DDHD2: variants seen among roughly 807,000 people sequenced by gnomAD.
The protein encoded by DDHD2 is DDHD domain containing 2, also known as triacylglycerol hydrolase DDHD2.
In DDHD2, 62 loss-of-function variants were observed where a neutral mutation model predicts 91.2. That is an observed-to-expected ratio of 0.68 (90% CI 0.55 to 0.84). DDHD2 has a LOEUF of 0.84. Among genes scored for constraint, DDHD2 ranks in the 40% least tolerant of loss-of-function variants. The pLI is 0.00. For missense variants in DDHD2, 740 were observed against 846.9 expected, an observed-to-expected ratio of 0.87 and a Z score of 1.57; for synonymous variants, 271 against 293.9, an observed-to-expected ratio of 0.92 and a Z score of 0.80.
At chr8:38,234,956 A>G (rs962743885) in intron 3 of DDHD2, among the ~76,000 whole-genome samples, 2 of 151,950 alleles carry the variant, frequency 1.3e-5, no homozygotes, top group African/African-American at 2.4e-5. Context: ...GGGCACTGCT[A>G]TCTTTCCTCA....
downstream of DDHD2, chr8:38,264,968 T>C: frequency 6.4e-7 from 1 of 1,570,524 alleles, no homozygotes; most frequent in South Asian, 1.1e-5. Context: ...AGGAATAAAG[T>C]ATTTTAAGAG....
chr8:38,271,682 G>C (rs551902604), downstream of DDHD2: 1 of 152,182 alleles, frequency 6.6e-6, no homozygotes, highest in Non-Finnish European at 1.5e-5. Context: ...TGGACAACTG[G>C]GGGAGGCTGG....
Position 38,252,713 on chromosome 8 carries a change from C to A in DDHD2, c.1618-9C>A. ...AGAGGTAAATGTAGCTCTTGTTTTTCCTATGTAGTTTGATCCTGTGGCCTA... is the reference window on the plus strand; with the variant it reads ...AGAGGTAAATGTAGCTCTTGTTTTTACTATGTAGTTTGATCCTGTGGCCTA... On this transcript the variant is annotated splice_polypyrimidine_tract_variant and intron_variant, in intron 13 of 17. Transcript: ENST00000397166. 6.2e-7 allele frequency: 1 copy of A among 1,601,938 alleles called. No homozygotes were observed. The highest frequency in any genetic ancestry group is 8.5e-7 in the Non-Finnish European group (1 of 1,170,244).
intron 10 of DDHD2, 152 bp downstream of exon 10, chr8:38,247,987 A>T: frequency 1.6e-6 from 1 of 631,120 alleles, no homozygotes; most frequent in Non-Finnish European, 2.5e-6. Flanking sequence ...TTATCATATC[A>T]AGTGACCTTT....
intron 10 of DDHD2, among the ~76,000 whole-genome samples, 174 bp from the exon 11 acceptor site, chr8:38,249,534 C>CT (rs891192626): frequency 7.5e-6 from 1 of 133,838 alleles, no homozygotes; most frequent in East Asian, 2.2e-4. Context: ...ATTTTCTATT[C>CT]TTTTTTAGGC....
At chr8:38,257,238 GTTTTTTTTTTTTTTTTT>G (rs749469533) in intron 16 of DDHD2, among the ~76,000 whole-genome samples, 2 of 63,804 alleles carry the variant, frequency 3.1e-5, no homozygotes, top group Non-Finnish European at 3.1e-5. Flanking sequence ...TGGCCAACAA[GTTTTTTTTTTTTTTTTT>G]TTTTTTTTTT....
chr8:38,245,616 CT>C, intron 7 of DDHD2, 125 bp from the exon 8 acceptor site: 2 of 856,224 alleles, frequency 2.3e-6, no homozygotes, highest in Non-Finnish European at 3.7e-6. Context: ...CCTTTGTCCT[CT>C]TTTTGTTTTT....
downstream of DDHD2, chr8:38,264,862 G>A (rs1807336341): frequency 1.9e-6 from 3 of 1,608,524 alleles, no homozygotes; most frequent in Admixed American, 1.7e-5. Context: ...TGTTCAGAGT[G>A]TACTAAATTA....
chr8:38,266,311 A>G (rs766317294), downstream of DDHD2: 3 of 1,610,424 alleles, frequency 1.9e-6, no homozygotes, highest in African/African-American at 2.7e-5. Context: ...AGCAAATGCA[A>G]CTGGAACAAG....
At chr8:38,234,321 A>G (rs1028338364) in intron 2 of DDHD2, 73 bp from the exon 3 acceptor site, 11 of 1,153,196 alleles carry the variant, frequency 9.5e-6, no homozygotes, top group Non-Finnish European at 1.3e-5. Flanking sequence ...TATTTAGAGT[A>G]TAACTGAGAA....
rs754719646 is a variant in DDHD2, at chr8:38,233,078, A to G, written c.84A>G (p.Leu28=). The change falls in exon 2 of 18, where the codon CTA becomes CTG. Residue 28 remains leucine (L), a synonymous_variant. Coordinates refer to ENST00000397166, the MANE Select transcript of DDHD2 (RefSeq NM_015214.3). ...PSPNSCSSFE[L]IDMDAGSLYE... ...CAAACTCATGTAGTTCCTTTGAGCT[A>G]ATAGACATGGATGCTGGCAGCTTGT... 6 of 1,614,192 alleles carry G rather than the reference A, an allele frequency of 3.7e-6. No individual in the cohort carries two copies. The East Asian group carries it at 1.3e-4, about 36-fold the overall frequency.
downstream of DDHD2, chr8:38,266,917 A>C: frequency 1.8e-6 from 1 of 546,504 alleles, no homozygotes; most frequent in South Asian, 3.4e-5. Context: ...ACCTCATTGG[A>C]TTATTGTGAG....
intron 3 of DDHD2, among the ~76,000 whole-genome samples, chr8:38,235,069 A>G (rs1804607635): frequency 6.6e-6 from 1 of 152,206 alleles, no homozygotes; most frequent in South Asian, 2.1e-4. Context: ...GATATGAATT[A>G]GATTCCATTT....
intron 3 of DDHD2, among the ~76,000 whole-genome samples, chr8:38,236,298 C>T (rs913851831): frequency 2.0e-5 from 3 of 152,004 alleles, no homozygotes; most frequent in African/African-American, 4.8e-5. Context: ...AGGCGTGAGC[C>T]ACCACGCCCA....
At position 38,234,530 on chromosome 8, in the gene DDHD2, G is replaced by C; in HGVS notation, c.357G>C (p.Gly119=). The C allele has an allele frequency of 6.2e-7, 1 of 1,612,702 alleles. No homozygotes were observed. The highest frequency in any genetic ancestry group is 8.5e-7 in the Non-Finnish European group (1 of 1,179,794). ...GACGATGTACGTGGTTTTACAAGGGGGACAAAGACAATAAGTATGTTCCCT... is the reference window on the plus strand; with the variant it reads ...GACGATGTACGTGGTTTTACAAGGGCGACAAAGACAATAAGTATGTTCCCT... ...EVRRCTWFYK[G]DKDNKYVPYS... The change falls in exon 3 of 18, where the codon GGG becomes GGC. Residue 119 remains glycine, a synonymous_variant. Transcript: ENST00000397166.
At position 38,247,799 on chromosome 8, in the gene DDHD2, TA is replaced by T. The variant is rs1805765312; in HGVS notation, c.1213del (p.Ile405SerfsTer7). On this transcript the variant is annotated frameshift_variant, in exon 10 of 18. Transcript: ENST00000397166. LOFTEE classifies it high-confidence loss of function. Reference protein sequence around the residue: ...KKLQLSEFFDIFEKEKVDKEA... With the variant: ...KKLQLSEFFDXFEKEKVDKEA... ...AACTTCAGCTCTCTGAATTCTTTGA[TA>T]TCTTTGAGAAGGAGAAAGTAGATAA... 6.3e-7 allele frequency: 1 copy of T among 1,585,698 alleles called. No homozygotes were observed. The highest frequency in any genetic ancestry group is 1.8e-5 in the Admixed American group (1 of 54,152).
intron 16 of DDHD2, among the ~76,000 whole-genome samples, chr8:38,259,512 A>G (rs1806805484): frequency 6.6e-6 from 1 of 151,370 alleles, no homozygotes; most frequent in Non-Finnish European, 1.5e-5. Context: ...CAGTCTCCCC[A>G]GTAACTGGGA....
downstream of DDHD2, chr8:38,263,318 A>G: frequency 1.1e-6 from 1 of 920,538 alleles, no homozygotes; most frequent in Non-Finnish European, 1.3e-6. Flanking sequence ...AAGGGGCAGA[A>G]AAAGATTCAT....
chr8:38,250,615 C>G (rs10958567), intron 11 of DDHD2: 33,741 of 151,904 alleles, frequency 0.22, 3,939 homozygotes, highest in East Asian at 0.31. Context: ...AATTCTCCTA[C>G]CATTTATTTA....
Sources: gnomAD v4.1 joint callset for allele counts (sites outside exome capture counted in the v4.1 genomes callset) on GRCh38, gnomAD v4.1.1 for gene constraint, MANE v1.5 for transcripts, NCBI Gene and HGNC (gene_info 2026-07-23, HGNC 2026-07-21) for gene names.